PDGFA: variants seen among roughly 807,000 people sequenced by gnomAD.
PDGFA encodes the protein platelet-derived growth factor subunit A.
PDGFA carries 9 observed loss-of-function variants against 25.6 expected under a neutral mutation model. The observed-to-expected ratio is 0.35, with a 90% CI of 0.21 to 0.61. The LOEUF is 0.61. Among genes scored for constraint, PDGFA ranks in the 20% least tolerant of loss-of-function variants. The probability of loss-of-function intolerance (pLI) is 0.75; values close to 1 mark genes in which losing one functional copy is unlikely to be tolerated. For missense variants in PDGFA, 242 were observed against 272.8 expected (o/e 0.89, Z 0.79); for synonymous variants, 133 against 111.8 (o/e 1.19, Z -1.20).
At position 500,880 on chromosome 7, in the gene PDGFA, ATCTCC is replaced by A; in HGVS notation, c.580+231_580+235del. Reference sequence around the variant, plus strand: ...CCCAGCCCCTCTCAGTGAGACCTGAATCTCCTCTCCTGCCAGTGCCGCAGCTTGGG... The same window carrying A: ...CCCAGCCCCTCTCAGTGAGACCTGAATCTCCTGCCAGTGCCGCAGCTTGGG... On this transcript the variant is annotated intron_variant, in intron 5 of 5. Transcript: ENST00000402802. This position sits in a 1 kb window ranked among gnomAD's most constrained non-coding sequence, Gnocchi z 5.0. 1 of 1,567,958 alleles carries A rather than the reference ATCTCC, an allele frequency of 6.4e-7. No individual in the cohort carries two copies. The highest frequency in any genetic ancestry group is 8.6e-7 in the Non-Finnish European group (1 of 1,164,274).
At chr7:518,753 A>G (rs1414457158) in intron 1 of PDGFA, among the ~76,000 whole-genome samples, 186 bp downstream of exon 1, 2 of 152,172 alleles carry the variant, frequency 1.3e-5, no homozygotes, top group African/African-American at 4.8e-5. Flanking sequence ...CGACCGACGC[A>G]ACACGCTGGA....
chr7:507,928 G>A (rs62433329), intron 4 of PDGFA, among the ~76,000 whole-genome samples: 10,495 of 152,046 alleles, frequency 0.069, 486 homozygotes, highest in Non-Finnish European at 0.11. Flanking sequence ...GAAGAGTGCC[G>A]CAGACAAGCA....
At chr7:509,668 C>CCGCCCCT (rs1156409932) in intron 4 of PDGFA, among the ~76,000 whole-genome samples, 1 of 152,176 alleles carries the variant, frequency 6.6e-6, no homozygotes, top group Non-Finnish European at 1.5e-5. Context: ...TGTTCATCCC[C>CCGCCCCT]CGCCCCTCAC....
intron 1 of PDGFA, 76 bp downstream of exon 1, chr7:518,863 C>A: frequency 8.2e-6 from 8 of 976,930 alleles, no homozygotes; most frequent in East Asian, 2.9e-5. Flanking sequence ...CTCTGCAGAG[C>A]CCGTGGCGCC....
upstream of PDGFA, among the ~76,000 whole-genome samples, chr7:519,767 C>A (rs1783287424): frequency 6.7e-6 from 1 of 148,288 alleles, no homozygotes; most frequent in Non-Finnish European, 1.5e-5. Context: ...TCCGCCGCAG[C>A]CGCCGCCGGG....
At chr7:510,237 C>T (rs369571449) in intron 4 of PDGFA, among the ~76,000 whole-genome samples, 16 of 152,098 alleles carry the variant, frequency 1.1e-4, no homozygotes, top group African/African-American at 3.6e-4. Flanking sequence ...AAGCCCCGGC[C>T]GGCCCTGCCT....
intron 2 of PDGFA, among the ~76,000 whole-genome samples, chr7:515,876 C>A (rs562527461): frequency 2.0e-5 from 3 of 152,074 alleles, no homozygotes; most frequent in Admixed American, 1.3e-4. Context: ...GTGGAGGAGG[C>A]GGGGCGCCAA....
Position 500,525 on chromosome 7 carries a change from A to C in PDGFA, c.580+591T>G. ...CTGTTAACAAAAGGGCAGGGCGGTG[A>C]GTGGGCCGAGGGACGGCCGTCGGGG... On this transcript the variant is annotated intron_variant, in intron 5 of 5. Transcript: ENST00000402802. The surrounding 1 kb of genome is among the most constrained non-coding windows in gnomAD (Gnocchi z 5.0). 6.2e-7 allele frequency: 1 copy of C among 1,613,674 alleles called. No individual in the cohort carries two copies. The highest frequency in any genetic ancestry group is 8.5e-7 in the Non-Finnish European group (1 of 1,179,980).
intron 1 of PDGFA, among the ~76,000 whole-genome samples, 196 bp downstream of exon 1, chr7:518,743 C>G (rs1783223227): frequency 6.6e-6 from 1 of 152,202 alleles, no homozygotes; most frequent in South Asian, 2.1e-4. Context: ...CGAGGCAGAG[C>G]GACCGACGCA....
At chr7:508,993 A>G (rs1486735772) in intron 4 of PDGFA, among the ~76,000 whole-genome samples, 1 of 152,250 alleles carries the variant, frequency 6.6e-6, no homozygotes, top group Non-Finnish European at 1.5e-5. Flanking sequence ...AAATGAGGCC[A>G]GAGAGGCGCA....
At chr7:499,644 G>A (rs1310102022) in intron 5 of PDGFA, among the ~76,000 whole-genome samples, 1 of 149,318 alleles carries the variant, frequency 6.7e-6, no homozygotes, top group Non-Finnish European at 1.5e-5. Flanking sequence ...GCAGTGGAGG[G>A]ATGGCAGCTG....
chr7:501,347 G>T, intron 4 of PDGFA, 105 bp from the exon 5 acceptor site: 2 of 1,376,688 alleles, frequency 1.5e-6, no homozygotes. Context: ...AGAGCAGCCT[G>T]ACCCCTGACC....
chr7:518,919 G>A lies in PDGFA; in HGVS notation c.63+20C>T. The A allele has an allele frequency of 2.7e-6, 4 of 1,502,218 alleles. No homozygotes were observed. Among genetic ancestry groups the A allele is most frequent in the Non-Finnish European group, 2.7e-6 (3 of 1,125,770 alleles). 93.1% of individuals were successfully genotyped at this position (1,502,218 alleles called of 1,614,324 possible). On this transcript the variant is annotated intron_variant, in intron 1 of 5. Coordinates refer to ENST00000402802, the Ensembl canonical transcript of PDGFA. ...GCCGGAGGAGCCGGCGCAGGGACGG[G>A]GCGCGGGGGCGGCACCAACCTCGGC...
chr7:497,873 A>C (rs1395850088), exon 6 of PDGFA: 1 of 71,904 alleles, frequency 1.4e-5, no homozygotes, highest in African/African-American at 3.9e-5. Context: ...GATAATTAAA[A>C]AAAAAAAAAA....
intron 4 of PDGFA, among the ~76,000 whole-genome samples, chr7:507,711 C>A (rs1782619596): frequency 6.6e-6 from 1 of 152,206 alleles, no homozygotes; most frequent in Admixed American, 6.5e-5. Context: ...CAAGGGCCTC[C>A]AAAATATAAC....
intron 4 of PDGFA, among the ~76,000 whole-genome samples, chr7:507,571 A>G (rs1782614496): frequency 6.6e-6 from 1 of 152,166 alleles, no homozygotes. Context: ...TGGGAAGGGC[A>G]GGGGCTGCAC....
At chr7:507,202 G>A (rs368291763) in intron 4 of PDGFA, among the ~76,000 whole-genome samples, 4 of 152,350 alleles carry the variant, frequency 2.6e-5, no homozygotes, top group East Asian at 1.9e-4. Flanking sequence ...TCCAACCCTC[G>A]GATGGGTGGG....
chr7:517,450 C>T lies in PDGFA; in HGVS notation c.104G>A (p.Arg35His). The stretch of plus-strand genomic sequence containing the variant: ...GTCCCGGATGCTGTGGATCTGACTG[C>T]GGGCCAGCCTCTCGATCACCTCGCG... The change falls in exon 2 of 6, where the codon CGC (arginine) becomes CAC (histidine). Residue 35 changes from arginine (R) to histidine (H), a missense_variant. Around this residue, in one of 5 missense-constraint regions of PDGFA, gnomAD observed 113 missense variants for 98.3 expected, o/e 1.15. Transcript: ENST00000402802. The surrounding 1 kb of genome is among the most constrained non-coding windows in gnomAD (Gnocchi z 7.4). 7.2e-7 allele frequency: 1 copy of T among 1,382,616 alleles called. No homozygotes were observed. The allele number at this position is 1,382,616 out of a possible 1,614,324, so 85.6% of individuals were successfully genotyped here. A position where few individuals can be genotyped will look rare whatever the true frequency, so the allele number is the denominator to read the frequency against.
chr7:509,982 CG>C (rs570539252), intron 4 of PDGFA, among the ~76,000 whole-genome samples: 2 of 151,894 alleles, frequency 1.3e-5, no homozygotes, highest in African/African-American at 4.8e-5. Context: ...GGGGGGAAGC[CG>C]GGGGGGCCCT....
Sources: gnomAD v4.1 joint callset for allele counts (sites outside exome capture counted in the v4.1 genomes callset) on GRCh38, gnomAD v4.1.1 for gene constraint, gnomAD v4.1.1 regional missense constraint, Gnocchi (gnomAD v3.1) non-coding constraint, MANE v1.5 for transcripts, NCBI Gene and HGNC (gene_info 2026-07-23, HGNC 2026-07-21) for gene names.